Variants in OPRM1 observed in about 807,000 individuals in gnomAD.
OPRM1 encodes opioid receptor mu 1.
Under a neutral mutation model 31.8 loss-of-function variants are expected in OPRM1, and 27 were observed. The observed-to-expected ratio is 0.85, with a 90% CI of 0.63 to 1.17. OPRM1 has a LOEUF of 1.17. OPRM1 is among the 50% of genes most tolerant of loss of function. OPRM1 has a pLI of 0.00. For missense variants in OPRM1, 536 were observed against 511.1 expected, an observed-to-expected ratio of 1.05 and a Z score of -0.47; for synonymous variants, 196 against 189.9, an observed-to-expected ratio of 1.03 and a Z score of -0.26.
chr6:154,112,155 G>A (rs564571312), intron 3 of OPRM1, among the ~76,000 whole-genome samples: 34 of 152,322 alleles, frequency 2.2e-4, no homozygotes, highest in African/African-American at 7.9e-4. Flanking sequence ...ATGTGTCTAA[G>A]TATGGTATCT....
At position 154,177,231 on chromosome 6, in the gene OPRM1, A is replaced by C. The variant is rs1800410187; in HGVS notation, c.1165-69462A>C. On this transcript the variant is annotated intron_variant, in intron 3 of 3. Transcript: ENST00000337049. ...ACCGTTCAGGACATAGGCATGGGCAAAGACTTCATGACTAAAACACCAAAA... is the reference window on the plus strand; with the variant it reads ...ACCGTTCAGGACATAGGCATGGGCACAGACTTCATGACTAAAACACCAAAA... Among the ~76,000 whole-genome samples, 3 of 152,242 alleles carry C rather than the reference A, an allele frequency of 2.0e-5. No individual in the cohort carries two copies. The South Asian group carries it at 6.2e-4, about 31-fold the overall frequency.
chr6:154,017,448 G>A (rs1410108066), intron 1 of OPRM1, among the ~76,000 whole-genome samples: 1 of 152,154 alleles, frequency 6.6e-6, no homozygotes, highest in Non-Finnish European at 1.5e-5. Flanking sequence ...GCGTACATGA[G>A]ATCAGGGCAG....
At chr6:154,188,300 C>T (rs1227800554) in intron 3 of OPRM1, among the ~76,000 whole-genome samples, 1 of 152,028 alleles carries the variant, frequency 6.6e-6, no homozygotes, top group Non-Finnish European at 1.5e-5. Context: ...CAAATATGTT[C>T]AAGACTTTTC....
At chr6:154,226,458 A>G (rs1779260034) in intron 3 of OPRM1, among the ~76,000 whole-genome samples, 1 of 151,846 alleles carries the variant, frequency 6.6e-6, no homozygotes, top group Non-Finnish European at 1.5e-5. Flanking sequence ...TTGCCAAAAC[A>G]GGACATGTGA....
chr6:154,046,226 T>C lies in OPRM1; in HGVS notation c.290+6392T>C, dbSNP rs535956435. On this transcript the variant is annotated intron_variant, in intron 1 of 3. Coordinates refer to ENST00000330432, the MANE Select transcript of OPRM1 (RefSeq NM_000914.5). ...CACCAGTTAGAACTACCAAGAGAGT[T>C]CAGAAGCTAAGCTTTTCCTTCCATT... is the stretch of plus-strand genomic sequence containing the variant. Among the ~76,000 whole-genome samples the C allele has an allele frequency of 2.3e-4, 35 of 152,328 alleles. 2 individuals carry two copies. The South Asian group carries it at 7.0e-3, about 31-fold the overall frequency.
In OPRM1 at chr6:154,095,324, C is replaced by T. The variant is rs1313089211; in HGVS notation, c.1164+3852C>T. Among the ~76,000 whole-genome samples, 4 of 152,044 alleles carry T rather than the reference C, an allele frequency of 2.6e-5. No homozygotes were observed. In the South Asian group the frequency reaches 6.2e-4, roughly 24 times the overall value. On this transcript the variant is annotated intron_variant, in intron 3 of 3. Coordinates refer to ENST00000330432, the MANE Select transcript of OPRM1 (RefSeq NM_000914.5). Reference sequence around the variant, plus strand: ...AGAAAGAAAAGAAAGAAAGTACTTCCAAAACATCCAAAGCATTGGACAGAT... The same window carrying T: ...AGAAAGAAAAGAAAGAAAGTACTTCTAAAACATCCAAAGCATTGGACAGAT...
At chr6:154,228,020 G>A (rs561439755) in intron 3 of OPRM1, among the ~76,000 whole-genome samples, 14 of 151,934 alleles carry the variant, frequency 9.2e-5, no homozygotes, top group Non-Finnish European at 1.6e-4. Flanking sequence ...GACAATCACA[G>A]AGGGCAAATC....
chr6:154,201,158 C>G (rs528031351), intron 3 of OPRM1, among the ~76,000 whole-genome samples: 1 of 152,318 alleles, frequency 6.6e-6, no homozygotes, highest in Non-Finnish European at 1.5e-5. Context: ...CCATGTGGAA[C>G]TGTGAGTCAA....
chr6:154,159,549 C>A, intron 3 of OPRM1: 1 of 425,764 alleles, frequency 2.3e-6, no homozygotes, highest in South Asian at 3.0e-5. Context: ...TTCTCACATC[C>A]CCCCTAGAGC....
chr6:154,139,279 G>T (rs1798139140), intron 3 of OPRM1, among the ~76,000 whole-genome samples: 1 of 152,174 alleles, frequency 6.6e-6, no homozygotes. Context: ...GACTTGTGTC[G>T]CTGGTATCAG....
chr6:154,235,139 C>T (rs1377594010), intron 3 of OPRM1, among the ~76,000 whole-genome samples: 1 of 152,200 alleles, frequency 6.6e-6, no homozygotes, highest in Non-Finnish European at 1.5e-5. Flanking sequence ...AATTAATCTA[C>T]CATCCATGGT....
At chr6:154,103,010 A>C (rs1795088191) in intron 3 of OPRM1, among the ~76,000 whole-genome samples, 1 of 152,108 alleles carries the variant, frequency 6.6e-6, no homozygotes, top group African/African-American at 2.4e-5. Context: ...TTCTTTTAGA[A>C]AAAAAATGAC....
chr6:154,039,923 C>T (rs1030499458), intron 1 of OPRM1, 89 bp downstream of exon 1: 17 of 1,241,654 alleles, frequency 1.4e-5, no homozygotes, highest in Middle Eastern at 2.4e-4. Context: ...CAATGTTGGG[C>T]GGGAGGATGA....
chr6:154,101,052 A>G (rs894567583), intron 3 of OPRM1, among the ~76,000 whole-genome samples: 26 of 151,674 alleles, frequency 1.7e-4, no homozygotes, highest in African/African-American at 6.3e-4. Context: ...GATGTAATAG[A>G]AAAGCAAATC....
intron 1 of OPRM1, among the ~76,000 whole-genome samples, chr6:154,043,554 T>A (rs979968412): frequency 6.6e-6 from 1 of 151,234 alleles, no homozygotes; most frequent in Non-Finnish European, 1.5e-5. Flanking sequence ...TATATATATA[T>A]AAATTCACAC....
At chr6:154,191,328 G>T (rs1801861823) in intron 3 of OPRM1, among the ~76,000 whole-genome samples, 1 of 152,148 alleles carries the variant, frequency 6.6e-6, no homozygotes, top group African/African-American at 2.4e-5. Flanking sequence ...GTGGATACAT[G>T]ACGTTATACA....
chr6:154,013,971 A>G (rs139889385), intron 1 of OPRM1, among the ~76,000 whole-genome samples: 39 of 152,270 alleles, frequency 2.6e-4, no homozygotes, highest in African/African-American at 8.9e-4. Flanking sequence ...CATCCTACGC[A>G]TTGAGAGAAG....
intron 1 of OPRM1, among the ~76,000 whole-genome samples, chr6:154,050,800 G>A (rs565714811): frequency 2.0e-5 from 3 of 152,092 alleles, no homozygotes; most frequent in South Asian, 2.1e-4. Context: ...TGCTTGAGGG[G>A]ATGGATACCT....
At chr6:154,156,637 T>C (rs1798726790) in intron 3 of OPRM1, 1 of 152,192 alleles carries the variant, frequency 6.6e-6, no homozygotes, top group South Asian at 2.1e-4. Context: ...CCAAACACAA[T>C]CTCTTTCTTA....
Sources: gnomAD v4.1 joint callset for allele counts (sites outside exome capture counted in the v4.1 genomes callset) on GRCh38, gnomAD v4.1.1 for gene constraint, MANE v1.5 for transcripts, NCBI Gene and HGNC (gene_info 2026-07-23, HGNC 2026-07-21) for gene names.